MCPH1: variants seen among roughly 807,000 people sequenced by gnomAD.
The protein encoded by MCPH1 is microcephalin.
Under a neutral mutation model 84.5 loss-of-function variants are expected in MCPH1, and 104 were observed. The observed-to-expected ratio is 1.23, with a 90% confidence interval of 1.05 to 1.45. The LOEUF (loss-of-function observed/expected upper bound fraction) is 1.45. Ranked by LOEUF, MCPH1 falls within the 40% of genes most tolerant of loss-of-function variation. The probability of loss-of-function intolerance (pLI) is 0.00; values close to 1 mark genes in which losing one functional copy is unlikely to be tolerated. For missense variants in MCPH1, 1,498 were observed against 1,005.7 expected (o/e 1.49, Z -6.62); for synonymous variants, 514 against 366.8 (o/e 1.40, Z -4.58).
chr8:6,623,688 C>CAAAAAAAAAAAAAAAAAAAAAA (rs377522481), intron 13 of MCPH1, among the ~76,000 whole-genome samples: 2 of 92,428 alleles, frequency 2.2e-5, no homozygotes, highest in African/African-American at 9.2e-5. Context: ...AACCAACTTC[C>CAAAAAAAAAAAAAAAAAAAAAA]AAAAAAAAAA....
At position 6,642,673 on chromosome 8, in the gene MCPH1, G is replaced by A. The variant is rs1382988074; in HGVS notation, c.2453-321G>A. On this transcript the variant is annotated intron_variant, in intron 13 of 13. Transcript: ENST00000344683. Reference sequence around the variant, plus strand: ...AAGATTAGAAATTCTTGGCTCCTATGTCACAGACTGGCAAGCTTCCCACCC... The same window carrying A: ...AAGATTAGAAATTCTTGGCTCCTATATCACAGACTGGCAAGCTTCCCACCC... 1.4e-5 allele frequency: 6 copies of A among 435,304 alleles called. No individual in the cohort carries two copies. In the East Asian group the frequency reaches 2.4e-4, roughly 18 times the overall value. 27.0% of individuals were successfully genotyped at this position (435,304 alleles called of 1,614,324 possible).
intron 10 of MCPH1, among the ~76,000 whole-genome samples, chr8:6,480,244 C>T (rs1315451346): frequency 6.6e-6 from 1 of 152,080 alleles, no homozygotes; most frequent in African/African-American, 2.4e-5. Context: ...TCTGCCTCAG[C>T]CTCCTGAGTA....
chr8:6,616,471 G>T (rs999492736), intron 12 of MCPH1: 15 of 152,242 alleles, frequency 9.9e-5, no homozygotes, highest in Admixed American at 6.5e-5. Context: ...AATAGATTCG[G>T]AGAGTGTGAG....
intron 12 of MCPH1, among the ~76,000 whole-genome samples, chr8:6,596,515 G>T (rs137864623): frequency 1.3e-3 from 199 of 152,266 alleles, no homozygotes; most frequent in African/African-American, 4.3e-3. Flanking sequence ...GGACCTGGCC[G>T]CCAGAGCCGT....
At chr8:6,622,097 C>A (rs1363187581) in intron 13 of MCPH1, 1 of 334,048 alleles carries the variant, frequency 3.0e-6, no homozygotes, top group East Asian at 8.2e-5. Flanking sequence ...AGCCCCCGTC[C>A]CTGTCATCTC....
chr8:6,590,087 G>A (rs552135200), intron 12 of MCPH1, among the ~76,000 whole-genome samples: 3 of 152,236 alleles, frequency 2.0e-5, no homozygotes, highest in African/African-American at 7.2e-5. Flanking sequence ...AAAAAGTGGG[G>A]GAGTGAGGAA....
intron 2 of MCPH1, among the ~76,000 whole-genome samples, chr8:6,411,258 A>G (rs538386443): frequency 6.6e-6 from 1 of 152,296 alleles, no homozygotes; most frequent in African/African-American, 2.4e-5. Context: ...AACTTAAGCA[A>G]CTGTTACCGT....
intron 9 of MCPH1, among the ~76,000 whole-genome samples, chr8:6,470,603 T>C (rs1352670633): frequency 1.3e-5 from 2 of 152,194 alleles, no homozygotes; most frequent in Non-Finnish European, 2.9e-5. Context: ...CTCGTACTTT[T>C]AAATAAAATG....
At chr8:6,540,722 G>C (rs1389984000) in intron 12 of MCPH1, among the ~76,000 whole-genome samples, 1 of 152,250 alleles carries the variant, frequency 6.6e-6, no homozygotes, top group East Asian at 1.9e-4. Context: ...CCTTAGCTTG[G>C]GTTTCCCCAA....
At chr8:6,588,487 G>A (rs1329220862) in intron 12 of MCPH1, among the ~76,000 whole-genome samples, 2 of 152,166 alleles carry the variant, frequency 1.3e-5, no homozygotes, top group Admixed American at 6.5e-5. Context: ...CCTCCCTGGG[G>A]ACATGCTAGG....
At chr8:6,503,129 G>A in intron 12 of MCPH1, 1 of 1,614,200 alleles carries the variant, frequency 6.2e-7, no homozygotes, top group Non-Finnish European at 8.5e-7. Context: ...GATCATCATG[G>A]TTGTGGCCTT....
rs756954281 is a variant in MCPH1 at position 6,508,572 on chromosome 8, G to T, written c.2214+8643G>T. 9.6e-6 allele frequency: 4 copies of T among 418,154 alleles called. No individual in the cohort carries two copies. The Admixed American group carries it at 1.3e-4, about 13-fold the overall frequency. 25.9% of individuals were successfully genotyped at this position (418,154 alleles called of 1,614,324 possible). ...TATAATCTATATTACTGTTGTGGTTGCTACTTGGAATTTTTAACTTTTTAC... is the reference window on the plus strand; with the variant it reads ...TATAATCTATATTACTGTTGTGGTTTCTACTTGGAATTTTTAACTTTTTAC... On this transcript the variant is annotated intron_variant, in intron 12 of 13. Coordinates refer to ENST00000344683, the MANE Select transcript of MCPH1 (RefSeq NM_024596.5).
intron 1 of MCPH1, among the ~76,000 whole-genome samples, chr8:6,407,806 C>T (rs1356396272): frequency 6.6e-6 from 1 of 152,192 alleles, no homozygotes; most frequent in Non-Finnish European, 1.5e-5. Flanking sequence ...CTATGCCCCC[C>T]AGGCCATATC....
chr8:6,587,925 G>A (rs914595649), intron 12 of MCPH1, among the ~76,000 whole-genome samples: 2 of 152,216 alleles, frequency 1.3e-5, no homozygotes, highest in Non-Finnish European at 2.9e-5. Flanking sequence ...CTTACGTGCT[G>A]GGGACAGCAG....
Position 6,514,924 on chromosome 8 carries a change from T to G in MCPH1, c.2214+14995T>G, listed in dbSNP as rs1290429252. 6.5e-6 allele frequency: 4 copies of G among 618,552 alleles called. No homozygotes were observed. The East Asian group carries it at 1.0e-4, about 16-fold the overall frequency. 38.3% of individuals were successfully genotyped at this position (618,552 alleles called of 1,614,324 possible). On this transcript the variant is annotated intron_variant, in intron 12 of 13. Transcript: ENST00000344683. ...AAGGCACGGAGTAGACCATCGGGGTTGTCTAAGAAACAGATGGTTTCAAAT... is the reference window on the plus strand; with the variant it reads ...AAGGCACGGAGTAGACCATCGGGGTGGTCTAAGAAACAGATGGTTTCAAAT...
chr8:6,625,670 G>A (rs1831998917), intron 13 of MCPH1: 1 of 984,982 alleles, frequency 1.0e-6, no homozygotes, highest in South Asian at 4.7e-5. Flanking sequence ...GGTGGCCCAT[G>A]CCTGTTGTCT....
intron 11 of MCPH1, among the ~76,000 whole-genome samples, chr8:6,497,789 GA>G (rs1407635615): frequency 6.6e-6 from 1 of 151,966 alleles, no homozygotes; most frequent in Non-Finnish European, 1.5e-5. Context: ...TACAAATACA[GA>G]AAAAAACTTG....
In MCPH1 at chr8:6,527,535, T is replaced by A. The variant is rs149248000; in HGVS notation, c.2214+27606T>A. 5,226 of 1,609,882 alleles carry A rather than the reference T, an allele frequency of 3.2e-3. 7 individuals are homozygous for A. The highest frequency in any genetic ancestry group is 3.8e-3 in the Non-Finnish European group (4,488 of 1,178,274). On this transcript the variant is annotated intron_variant, in intron 12 of 13. Transcript: ENST00000344683. ...AAAGTGTGCAGTCCTGAATTATAAATGTTTTAGTACTGTTATTACCTGTTC... is the reference window on the plus strand; with the variant it reads ...AAAGTGTGCAGTCCTGAATTATAAAAGTTTTAGTACTGTTATTACCTGTTC...
chr8:6,410,798 C>G (rs187279068), intron 2 of MCPH1, among the ~76,000 whole-genome samples: 193 of 152,258 alleles, frequency 1.3e-3, no homozygotes, highest in African/African-American at 4.2e-3. Flanking sequence ...ATGATCTGCA[C>G]AAGCATAGTT....
Sources: gnomAD v4.1 joint callset for allele counts (sites outside exome capture counted in the v4.1 genomes callset) on GRCh38, gnomAD v4.1.1 for gene constraint, MANE v1.5 for transcripts, NCBI Gene and HGNC (gene_info 2026-07-23, HGNC 2026-07-21) for gene names.